The following LRRC63 variants were observed in gnomAD, a reference collection of about 807,000 sequenced individuals.
The protein encoded by LRRC63 is leucine-rich repeat-containing protein 63.
Under a neutral mutation model 49.5 loss-of-function variants are expected in LRRC63, and 40 were observed. The ratio of observed to expected loss-of-function variants is 0.81; its 90% CI spans 0.63 to 1.05. The LOEUF is 1.05. Ranked by LOEUF, LRRC63 falls within the 50% of genes least tolerant of loss-of-function variation. LRRC63 has a pLI of 0.00. For synonymous variants in LRRC63, 191 were observed against 221.1 expected (o/e 0.86, Z 1.21); for missense variants, 636 against 663.1 (o/e 0.96, Z 0.45).
intron 4 of LRRC63, among the ~76,000 whole-genome samples, chr13:46,231,545 T>C (rs2046756512): frequency 6.6e-6 from 1 of 151,868 alleles, no homozygotes; most frequent in Non-Finnish European, 1.5e-5. Flanking sequence ...AGTCTTACTC[T>C]ATTGCCCAGG....
At chr13:46,247,335 C>A (rs551483893) in intron 6 of LRRC63, among the ~76,000 whole-genome samples, 103 of 151,892 alleles carry the variant, frequency 6.8e-4, no homozygotes, top group African/African-American at 2.3e-3. Context: ...TACATAACAC[C>A]AGTTTTATTA....
chr13:46,225,470 T>A (rs996849412), intron 2 of LRRC63, among the ~76,000 whole-genome samples: 1 of 152,182 alleles, frequency 6.6e-6, no homozygotes, highest in Non-Finnish European at 1.5e-5. Context: ...GAACAGAGAC[T>A]CTTCCGCCGG....
In LRRC63 at chr13:46,234,369, T is replaced by C. The variant is rs757712642; in HGVS notation, c.990+20T>C. 1.3e-5 allele frequency: 20 copies of C among 1,547,412 alleles called. 1 individual carries two copies. In the South Asian group the frequency reaches 2.4e-4, roughly 18 times the overall value. On this transcript the variant is annotated intron_variant, in intron 5 of 9. Transcript: ENST00000595396. Reference sequence around the variant, plus strand: ...CTGAAGGTATGCTAGATCTTTTTAATGACAGTGCCCTCCTGTATTATCAAT... The same window carrying C: ...CTGAAGGTATGCTAGATCTTTTTAACGACAGTGCCCTCCTGTATTATCAAT...
At chr13:46,243,154 A>T (rs983198606) in intron 5 of LRRC63, among the ~76,000 whole-genome samples, 1 of 152,240 alleles carries the variant, frequency 6.6e-6, no homozygotes. Context: ...AAGTTGAAAC[A>T]TCAAGAAGTC....
At chr13:46,228,778 A>G in intron 4 of LRRC63, 45 bp downstream of exon 4, 1 of 1,291,552 alleles carries the variant, frequency 7.7e-7, no homozygotes, top group Non-Finnish European at 1.1e-6. Context: ...TGTATGTAAG[A>G]TTATATCTTT....
intron 5 of LRRC63, 85 bp downstream of exon 5, chr13:46,234,434 T>C (rs2046850470): frequency 7.5e-7 from 1 of 1,335,930 alleles, no homozygotes; most frequent in Admixed American, 2.4e-5. Context: ...TTAGTTTCCA[T>C]GGTATTGAGG....
chr13:46,214,826 G>A (rs1230449), intron 2 of LRRC63, among the ~76,000 whole-genome samples: 73,259 of 151,880 alleles, frequency 0.48, 19,234 homozygotes, highest in African/African-American at 0.67. Flanking sequence ...TGTGTTCTCA[G>A]TATTCAACTC....
At chr13:46,236,067 G>C (rs1342293002) in intron 5 of LRRC63, among the ~76,000 whole-genome samples, 1 of 151,614 alleles carries the variant, frequency 6.6e-6, no homozygotes, top group Non-Finnish European at 1.5e-5. Context: ...TGATTAGGCA[G>C]AATAAAGAAT....
intron 9 of LRRC63, chr13:46,270,077 A>G (rs974206238): frequency 3.4e-6 from 2 of 594,412 alleles, no homozygotes; most frequent in African/African-American, 1.9e-5. Context: ...TGAGGTCACC[A>G]TGGCTACCGA....
intron 9 of LRRC63, among the ~76,000 whole-genome samples, chr13:46,267,953 G>A (rs2047704751): frequency 6.6e-6 from 1 of 151,948 alleles, no homozygotes; most frequent in Non-Finnish European, 1.5e-5. Context: ...AACTCTCCCA[G>A]CAGAAAAAAA....
exon 3 of LRRC63, chr13:46,227,527 T>C (rs1232758083): frequency 6.7e-7 from 1 of 1,488,872 alleles, no homozygotes; most frequent in African/African-American, 1.4e-5. Context: ...ACTGGTAAAA[T>C]TGAGTCACTA....
intron 9 of LRRC63, chr13:46,270,456 C>A (rs1209784943): frequency 1.3e-6 from 1 of 785,310 alleles, no homozygotes; most frequent in South Asian, 1.3e-5. Context: ...GAAAAACATT[C>A]TCCATAAGCC....
At chr13:46,270,072 T>G (rs1249669817) in intron 9 of LRRC63, 1 of 586,122 alleles carries the variant, frequency 1.7e-6, no homozygotes, top group Non-Finnish European at 3.1e-6. Context: ...GCGCCTGAGG[T>G]CACCATGGCT....
At chr13:46,229,187 A>G (rs532351565) in intron 4 of LRRC63, among the ~76,000 whole-genome samples, 2 of 152,320 alleles carry the variant, frequency 1.3e-5, no homozygotes, top group Non-Finnish European at 2.9e-5. Context: ...AGCAGAAACA[A>G]TAAGCAGTAG....
exon 5 of LRRC63, chr13:46,234,279 C>G (rs2046844555): frequency 6.5e-7 from 1 of 1,550,098 alleles, no homozygotes; most frequent in Admixed American, 2.0e-5. Flanking sequence ...CGATATGAAA[C>G]AATAACAGCC....
intron 8 of LRRC63, among the ~76,000 whole-genome samples, chr13:46,265,507 C>T (rs2047672635): frequency 6.6e-6 from 1 of 152,190 alleles, no homozygotes; most frequent in Admixed American, 6.5e-5. Flanking sequence ...TCATAGACAG[C>T]CATCTTCTCA....
chr13:46,270,207 G>A (rs1014834390), intron 9 of LRRC63: 17 of 833,324 alleles, frequency 2.0e-5, no homozygotes, highest in African/African-American at 1.5e-4. Flanking sequence ...CACTCTAACC[G>A]AATATGTGTC....
chr13:46,263,122 TCCTA>T (rs1286597107), intron 8 of LRRC63, among the ~76,000 whole-genome samples: 2 of 152,160 alleles, frequency 1.3e-5, no homozygotes, highest in African/African-American at 2.4e-5. Flanking sequence ...TTTCCCCTTT[TCCTA>T]CCTATTTTTT....
intron 8 of LRRC63, among the ~76,000 whole-genome samples, chr13:46,264,585 G>T (rs991996988): frequency 6.6e-6 from 1 of 151,934 alleles, no homozygotes; most frequent in Admixed American, 6.5e-5. Context: ...ACATCTCTGC[G>T]TGTCTGTGTG....
Sources: gnomAD v4.1 joint callset for allele counts (sites outside exome capture counted in the v4.1 genomes callset) on GRCh38, gnomAD v4.1.1 for gene constraint, MANE v1.5 for transcripts, NCBI Gene and HGNC (gene_info 2026-07-23, HGNC 2026-07-21) for gene names.